CDH13: variants seen among roughly 807,000 people sequenced by gnomAD.
CDH13 encodes the protein cadherin-13.
CDH13 carries 24 observed loss-of-function variants against 63.8 expected under a neutral mutation model. The observed-to-expected ratio is 0.38, with a 90% CI of 0.27 to 0.53. CDH13 has a LOEUF of 0.53. CDH13 is among the 20% of genes least tolerant of loss of function. The pLI, the probability that CDH13 is intolerant of heterozygous loss-of-function variation, is 0.85. For synonymous variants in CDH13, 503 were observed against 355.3 expected (o/e 1.42, Z -4.67); for missense variants, 1,049 against 903.1 (o/e 1.16, Z -2.07).
intron 10 of CDH13, among the ~76,000 whole-genome samples, chr16:83,711,363 G>C (rs558064240): frequency 6.6e-6 from 1 of 152,272 alleles, no homozygotes; most frequent in East Asian, 1.9e-4. Flanking sequence ...TGACATAGTA[G>C]GAATTGGTTT....
At chr16:82,677,033 G>A (rs914569267) in intron 1 of CDH13, among the ~76,000 whole-genome samples, 9 of 152,274 alleles carry the variant, frequency 5.9e-5, no homozygotes, top group Admixed American at 5.9e-4. Flanking sequence ...ACAGGCACCT[G>A]CCACCACAGC....
chr16:83,406,553 T>A (rs2092051018), intron 6 of CDH13, among the ~76,000 whole-genome samples: 1 of 152,122 alleles, frequency 6.6e-6, no homozygotes, highest in African/African-American at 2.4e-5. Context: ...AACCTCTGCC[T>A]CCTGGGTTCC....
chr16:83,083,268 G>A (rs760376930), intron 3 of CDH13, among the ~76,000 whole-genome samples: 9 of 152,234 alleles, frequency 5.9e-5, no homozygotes, highest in Non-Finnish European at 1.0e-4. Flanking sequence ...TTTATGTGTA[G>A]TCACTGTGTG....
chr16:82,803,513 TC>T (rs539941783), intron 1 of CDH13, among the ~76,000 whole-genome samples: 286 of 152,298 alleles, frequency 1.9e-3, no homozygotes, highest in African/African-American at 6.8e-3. Context: ...TACAATTTTT[TC>T]TGAATGGGAA....
At chr16:83,228,119 C>T (rs775077187) in intron 5 of CDH13, among the ~76,000 whole-genome samples, 14 of 152,220 alleles carry the variant, frequency 9.2e-5, no homozygotes, top group South Asian at 2.1e-4. Flanking sequence ...GGAATGAGTG[C>T]TGTCCTTATC....
intron 10 of CDH13, among the ~76,000 whole-genome samples, chr16:83,706,598 T>C (rs1345465307): frequency 6.6e-5 from 10 of 152,200 alleles, no homozygotes; most frequent in African/African-American, 2.4e-4. Context: ...TGACTGTGAT[T>C]GCTGACTGAT....
At chr16:82,776,000 A>C (rs1260363311) in intron 1 of CDH13, among the ~76,000 whole-genome samples, 1 of 152,198 alleles carries the variant, frequency 6.6e-6, no homozygotes, top group Non-Finnish European at 1.5e-5. Flanking sequence ...ACTTGAGGCC[A>C]GGAGTTCAAG....
intron 5 of CDH13, among the ~76,000 whole-genome samples, chr16:83,277,031 C>A (rs149522781): frequency 2.6e-5 from 4 of 152,074 alleles, no homozygotes; most frequent in African/African-American, 7.2e-5. Flanking sequence ...AATTACCCCC[C>A]ACCAGGTCTC....
chr16:82,839,250 G>T (rs1354299021), intron 1 of CDH13, among the ~76,000 whole-genome samples: 2 of 152,164 alleles, frequency 1.3e-5, no homozygotes, highest in East Asian at 3.9e-4. Flanking sequence ...CGTCTTTTGG[G>T]TCTGGAAATT....
chr16:82,847,502 C>T (rs1047125897), intron 1 of CDH13, among the ~76,000 whole-genome samples: 5 of 152,188 alleles, frequency 3.3e-5, no homozygotes, highest in African/African-American at 7.2e-5. Context: ...TCACCTTCAT[C>T]ATCACATCTC....
chr16:83,776,990 A>G (rs1915161077), intron 11 of CDH13, among the ~76,000 whole-genome samples: 1 of 152,174 alleles, frequency 6.6e-6, no homozygotes, highest in African/African-American at 2.4e-5. Flanking sequence ...AGGGGTCGTT[A>G]GCACAATCAA....
Position 83,304,287 on chromosome 16 carries a change from C to T in CDH13, c.637-40575C>T, listed in dbSNP as rs375303390. Among the ~76,000 whole-genome samples the T allele has an allele frequency of 1.2e-4, 18 of 152,160 alleles. No homozygotes were observed. The East Asian group carries it at 1.6e-3, about 13-fold the overall frequency. On this transcript the variant is annotated intron_variant, in intron 5 of 13. Transcript: ENST00000567109. ...TTGGATGTGTCAGTTCCATCTTGAA[C>T]CATCCACTAAATGGAAAGGGGAGTG...
At chr16:82,945,349 A>G (rs921880592) in intron 2 of CDH13, among the ~76,000 whole-genome samples, 1 of 152,172 alleles carries the variant, frequency 6.6e-6, no homozygotes, top group Non-Finnish European at 1.5e-5. Flanking sequence ...CTCTTGGACC[A>G]TAGTTGGTCA....
At chr16:83,628,692 G>C (rs1400431990) in intron 8 of CDH13, among the ~76,000 whole-genome samples, 1 of 152,170 alleles carries the variant, frequency 6.6e-6, no homozygotes, top group African/African-American at 2.4e-5. Flanking sequence ...AGGAGGCGAA[G>C]ATCTCTGTGA....
At chr16:83,140,283 C>T (rs966632726) in intron 4 of CDH13, among the ~76,000 whole-genome samples, 1 of 152,172 alleles carries the variant, frequency 6.6e-6, no homozygotes, top group Admixed American at 6.5e-5. Context: ...ATCTTGTGCT[C>T]ATGCATTTTC....
intron 1 of CDH13, among the ~76,000 whole-genome samples, chr16:82,810,427 C>T (rs1018093881): frequency 1.5e-4 from 23 of 152,262 alleles, no homozygotes; most frequent in African/African-American, 5.5e-4. Flanking sequence ...TCCTTGGGAA[C>T]TTTAATCGTC....
intron 6 of CDH13, among the ~76,000 whole-genome samples, chr16:83,484,290 G>T (rs974681422): frequency 1.3e-5 from 2 of 152,220 alleles, no homozygotes; most frequent in African/African-American, 4.8e-5. Flanking sequence ...TTAGGCTTCA[G>T]TGTTTTCTTT....
intron 2 of CDH13, among the ~76,000 whole-genome samples, chr16:82,907,292 CG>C (rs1234913878): frequency 6.6e-6 from 1 of 152,098 alleles, no homozygotes; most frequent in African/African-American, 2.4e-5. Context: ...CAGTGACCCC[CG>C]CTGCCCCCTC....
chr16:83,169,808 TC>T (rs1277075969), intron 4 of CDH13, among the ~76,000 whole-genome samples: 1 of 152,122 alleles, frequency 6.6e-6, no homozygotes, highest in Non-Finnish European at 1.5e-5. Flanking sequence ...TACCATTTTT[TC>T]CTTATGCGTA....
Sources: gnomAD v4.1 joint callset for allele counts (sites outside exome capture counted in the v4.1 genomes callset) on GRCh38, gnomAD v4.1.1 for gene constraint, MANE v1.5 for transcripts, NCBI Gene and HGNC (gene_info 2026-07-23, HGNC 2026-07-21) for gene names.